WEE1: variants seen among roughly 807,000 people sequenced by gnomAD.
The protein encoded by WEE1 is wee1-like protein kinase.
A neutral mutation model predicts 68.8 loss-of-function variants in WEE1; 16 were observed. That is an observed-to-expected ratio of 0.23 (90% confidence interval 0.16 to 0.35). The LOEUF (loss-of-function observed/expected upper bound fraction) is 0.35, where lower values mean the gene tolerates loss of function less well. WEE1 is among the 10% of genes least tolerant of loss of function. The pLI, the probability that WEE1 is intolerant of heterozygous loss-of-function variation, is 1.00. For missense variants in WEE1, 651 were observed against 824.1 expected, an observed-to-expected ratio of 0.79 and a Z score of 2.57; for synonymous variants, 349 against 318.7, an observed-to-expected ratio of 1.09 and a Z score of -1.01.
intron 5 of WEE1, chr11:9,577,834 G>C: frequency 2.2e-6 from 1 of 454,654 alleles, no homozygotes; most frequent in Non-Finnish European, 4.4e-6. Flanking sequence ...CTCCCCTAAG[G>C]ATGAAACAAA....
chr11:9,577,580 T>G (rs1849578029), intron 5 of WEE1: 1 of 337,338 alleles, frequency 3.0e-6, no homozygotes, highest in Non-Finnish European at 5.7e-6. Context: ...CATATAGTAT[T>G]ATGAAGTGTT....
rs1849570432 is a variant in WEE1 at position 9,576,958 on chromosome 11, C to T, written c.1020-184C>T. Reference sequence around the variant, plus strand: ...GCAACATTTCTTCTTTCTGATAAATCTTTAATGGAATCTGCCTTTGGAAAA... The same window carrying T: ...GCAACATTTCTTCTTTCTGATAAATTTTTAATGGAATCTGCCTTTGGAAAA... On this transcript the variant is annotated intron_variant, in intron 4 of 10. Transcript: ENST00000450114. This position sits in a 1 kb window ranked among gnomAD's most constrained non-coding sequence, Gnocchi z 4.3. 6.6e-6 allele frequency among the ~76,000 whole-genome samples: 1 copy of T among 152,214 alleles called. No homozygotes were observed. Among genetic ancestry groups the T allele is most frequent in the Non-Finnish European group, 1.5e-5 (1 of 68,024 alleles).
chr11:9,574,387 CG>C lies in WEE1; in HGVS notation c.458del (p.Gly153ValfsTer81). 1 of 1,213,312 alleles carries C rather than the reference CG, an allele frequency of 8.2e-7. No homozygotes were observed. The highest frequency in any genetic ancestry group is 1.0e-6 in the Non-Finnish European group (1 of 979,718). The allele number at this position is 1,213,312 out of a possible 1,614,324, so 75.2% of individuals were successfully genotyped here. A position where few individuals can be genotyped will look rare whatever the true frequency, so the allele number is the denominator to read the frequency against. ...CGGCGGCCCAGGAGATGCGTCGCCG[CG>C]GGGTTGCGGGGCGCGCCGGGCGGGC... Reference protein sequence around the residue: ...RCGGPGDASPRGCGARRAGEG... With the variant: ...RCGGPGDASPXGCGARRAGEG... On this transcript the variant is annotated frameshift_variant, in exon 1 of 11. Coordinates refer to ENST00000450114, the MANE Select transcript of WEE1 (RefSeq NM_003390.4). LOFTEE classifies it high-confidence loss of function. The surrounding 1 kb of genome is among the most constrained non-coding windows in gnomAD (Gnocchi z 4.9).
chr11:9,575,482 T>G, intron 1 of WEE1: 1 of 882,180 alleles, frequency 1.1e-6, no homozygotes, highest in African/African-American at 1.8e-5. Flanking sequence ...AAAATCCCTC[T>G]GGAAGTGAGG....
At chr11:9,587,068 C>T (rs1488967871) in intron 10 of WEE1, among the ~76,000 whole-genome samples, 4 of 152,308 alleles carry the variant, frequency 2.6e-5, no homozygotes, top group African/African-American at 9.6e-5. Flanking sequence ...TCAAGCTATC[C>T]TCCCGTGTCA....
Position 9,574,675 on chromosome 11 carries a change from T to G in WEE1, c.576+166T>G. 4 of 1,099,954 alleles carry G rather than the reference T, an allele frequency of 3.6e-6. No homozygotes were observed. Among genetic ancestry groups the G allele is most frequent in the Non-Finnish European group, 4.4e-6 (4 of 904,994 alleles). The allele number at this position is 1,099,954 out of a possible 1,614,324, so 68.1% of individuals were successfully genotyped here. ...TGTGTTTGGCCCTGCCCCGAGGTTG[T>G]CCGTTGAGATTATGTAACTGAACAA... On this transcript the variant is annotated intron_variant, in intron 1 of 10. Transcript: ENST00000450114. This position sits in a 1 kb window ranked among gnomAD's most constrained non-coding sequence, Gnocchi z 4.9.
At chr11:9,577,098 A>G in intron 4 of WEE1, 44 bp from the exon 5 acceptor site, 1 of 1,575,646 alleles carries the variant, frequency 6.3e-7, no homozygotes, top group Non-Finnish European at 8.6e-7. Context: ...TTTAAGCTTG[A>G]GTGAAAATTA....
In WEE1 at chr11:9,573,823, C is replaced by A; in HGVS notation, c.-111C>A. The A allele has an allele frequency of 1.1e-6, 1 of 945,740 alleles. No homozygotes were observed. The highest frequency in any genetic ancestry group is 1.3e-6 in the Non-Finnish European group (1 of 746,430). 58.6% of individuals were successfully genotyped at this position (945,740 alleles called of 1,614,324 possible). ...CCGCCGCCGCGCAGAGACGCCGCGG[C>A]TGCGACTAGGCGCGCCCAGCCGCAC... On this transcript the variant is annotated 5_prime_UTR_variant, in exon 1 of 11. In the 5' UTR this introduces an upstream ATG that the reference lacks. Transcript: ENST00000450114.
chr11:9,576,045 T>A lies in WEE1; in HGVS notation c.734T>A (p.Leu245His). Reference sequence around the variant, plus strand: ...CCTTTTACTCCGGATTCTTTGTTGCTTCATTCCTCAGGACAGTGTCGTCGT... The same window carrying A: ...CCTTTTACTCCGGATTCTTTGTTGCATCATTCCTCAGGACAGTGTCGTCGT... ...INPFTPDSLL[L>H]HSSGQCRRRK... Residue 245 changes from leucine (L) to histidine (H), a missense_variant, in exon 2 of 11, where the codon CTT becomes CAT. By Grantham distance (99) the Leu-to-His change is moderately conservative (BLOSUM62 -3). This residue lies in a region of WEE1 where 395 missense variants were observed against 378.4 expected (regional missense o/e 1.04). Coordinates refer to ENST00000450114, the MANE Select transcript of WEE1 (RefSeq NM_003390.4). The surrounding 1 kb of genome is among the most constrained non-coding windows in gnomAD (Gnocchi z 4.3). 1 of 1,614,186 alleles carries A rather than the reference T, an allele frequency of 6.2e-7. No homozygotes were observed. Among genetic ancestry groups the A allele is most frequent in the South Asian group, 1.1e-5 (1 of 91,084 alleles).
At position 9,573,882 on chromosome 11, in the gene WEE1, G is replaced by T; in HGVS notation, c.-52G>T. ...CCCGCCCCCAGGCCCGCAGTGTCCT[G>T]GACCCCGCAGGCCTCCGCTCTCCTG... On this transcript the variant is annotated 5_prime_UTR_variant, in exon 1 of 11. Coordinates refer to ENST00000450114, the MANE Select transcript of WEE1 (RefSeq NM_003390.4). The T allele has an allele frequency of 8.3e-7, 1 of 1,209,858 alleles. No individual in the cohort carries two copies. Among genetic ancestry groups the T allele is most frequent in the Non-Finnish European group, 1.0e-6 (1 of 972,112 alleles). 74.9% of individuals were successfully genotyped at this position (1,209,858 alleles called of 1,614,324 possible).
In WEE1 at chr11:9,576,594, G is replaced by A. The variant is rs1028134006; in HGVS notation, c.954G>A (p.Lys318=). Residue 318 remains lysine (K), a synonymous_variant, in exon 4 of 11, where the codon AAG becomes AAA. Transcript: ENST00000450114. The surrounding 1 kb of genome is among the most constrained non-coding windows in gnomAD (Gnocchi z 4.3). ...TTGGTTCTGTATTTAAGTGTGTGAA[G>A]AGGCTGGATGGATGCATTTATGCCA... ...GEFGSVFKCV[K]RLDGCIYAIK... 2.5e-6 allele frequency: 4 copies of A among 1,614,046 alleles called. No homozygotes were observed. The highest frequency in any genetic ancestry group is 3.4e-6 in the Non-Finnish European group (4 of 1,179,942).
intron 5 of WEE1, chr11:9,580,009 A>AAAGTTTGAAAAAATAT (rs2134345901): frequency 6.6e-6 from 1 of 152,324 alleles, no homozygotes; most frequent in East Asian, 1.9e-4. Context: ...ACAAACTTTA[A>AAAGTTTGAAAAAATAT]AAGTTTGAAA....
In WEE1 at chr11:9,586,718, T is replaced by G. The variant is rs1311780625; in HGVS notation, c.1649T>G (p.Ile550Ser). 6.2e-7 allele frequency: 1 copy of G among 1,613,540 alleles called. No individual in the cohort carries two copies. The highest frequency in any genetic ancestry group is 2.2e-5 in the East Asian group (1 of 44,876). ...TTTACTTTTCTTTTTAAGGTTATGA[T>G]TCATCCAGATCCAGAGAGAAGACCT... ...QEFTELLKVM[I>S]HPDPERRPSA... Residue 550 changes from isoleucine to serine, a missense_variant, in exon 10 of 11, where the codon ATT becomes AGT. Transcript: ENST00000450114.
chr11:9,588,958 A>G lies in WEE1; in HGVS notation c.*356A>G, dbSNP rs956458923. On this transcript the variant is annotated 3_prime_UTR_variant, in exon 11 of 11. Coordinates refer to ENST00000450114, the MANE Select transcript of WEE1 (RefSeq NM_003390.4). Reference sequence around the variant, plus strand: ...TACTCAAGGGCTTTATTACAGACATACCCTCCCTTTGAAAAGGGACATGCT... The same window carrying G: ...TACTCAAGGGCTTTATTACAGACATGCCCTCCCTTTGAAAAGGGACATGCT... The G allele has an allele frequency of 5.0e-5, 49 of 988,220 alleles. No individual in the cohort carries two copies. The highest frequency in any genetic ancestry group is 5.8e-5 in the Non-Finnish European group (48 of 831,654). 61.2% of individuals were successfully genotyped at this position (988,220 alleles called of 1,614,324 possible). A position where few individuals can be genotyped will look rare whatever the true frequency, so the allele number is the denominator to read the frequency against.
chr11:9,587,363 C>A (rs1003844435), intron 10 of WEE1, among the ~76,000 whole-genome samples: 1 of 152,130 alleles, frequency 6.6e-6, no homozygotes, highest in African/African-American at 2.4e-5. Context: ...TTTCAAATTA[C>A]GAACTTTAAA....
At position 9,588,772 on chromosome 11, in the gene WEE1, C is replaced by T; in HGVS notation, c.*170C>T. 7.9e-7 allele frequency: 1 copy of T among 1,264,310 alleles called. No homozygotes were observed. Among genetic ancestry groups the T allele is most frequent in the Non-Finnish European group, 1.0e-6 (1 of 1,000,694 alleles). 78.3% of individuals were successfully genotyped at this position (1,264,310 alleles called of 1,614,324 possible). On this transcript the variant is annotated 3_prime_UTR_variant, in exon 11 of 11. Coordinates refer to ENST00000450114, the MANE Select transcript of WEE1 (RefSeq NM_003390.4). ...AGCTGTATTTTGATGATTGCTATGT[C>T]AGGCTTTCATCTAATCTTACCAGTC...
intron 5 of WEE1, chr11:9,580,416 A>G (rs993787987): frequency 6.6e-6 from 1 of 151,288 alleles, no homozygotes; most frequent in African/African-American, 2.4e-5. Context: ...TAATTTTAAA[A>G]TGTCCATCAA....
chr11:9,574,968 G>GATCGT lies in WEE1; in HGVS notation c.576+460_576+464dup. ...TAAAGAAAAATAATTGTCCCGCCCT[G>GATCGT]ATCGTGTCGTGTCGTGTGGCGTGGA... is the stretch of plus-strand genomic sequence containing the variant. On this transcript the variant is annotated intron_variant, in intron 1 of 10. Transcript: ENST00000450114. The surrounding 1 kb of genome is among the most constrained non-coding windows in gnomAD (Gnocchi z 4.9). 1 of 985,696 alleles carries GATCGT rather than the reference G, an allele frequency of 1.0e-6. No individual in the cohort carries two copies. Among genetic ancestry groups the GATCGT allele is most frequent in the Non-Finnish European group, 1.2e-6 (1 of 830,126 alleles). 61.1% of individuals were successfully genotyped at this position (985,696 alleles called of 1,614,324 possible).
At chr11:9,583,835 A>C (rs1433745345) in intron 6 of WEE1, among the ~76,000 whole-genome samples, 1 of 48,922 alleles carries the variant, frequency 2.0e-5, no homozygotes, top group Non-Finnish European at 4.5e-5. Flanking sequence ...ATATATATAT[A>C]TATATATATA....
Sources: gnomAD v4.1 joint callset for allele counts (sites outside exome capture counted in the v4.1 genomes callset) on GRCh38, gnomAD v4.1.1 for gene constraint, gnomAD v4.1.1 regional missense constraint, Gnocchi (gnomAD v3.1) non-coding constraint, MANE v1.5 for transcripts, NCBI Gene and HGNC (gene_info 2026-07-23, HGNC 2026-07-21) for gene names.